The following COL19A1 variants were observed in gnomAD, a reference collection of about 807,000 sequenced individuals.
The protein encoded by COL19A1 is collagen alpha-1(XIX) chain.
Under a neutral mutation model 190.2 loss-of-function variants are expected in COL19A1, and 159 were observed. That is an observed-to-expected ratio of 0.84 (90% confidence interval 0.73 to 0.95). The LOEUF (loss-of-function observed/expected upper bound fraction) is 0.95. COL19A1 is among the 40% of genes least tolerant of loss of function. COL19A1 has a pLI of 0.00. For synonymous variants in COL19A1, 509 were observed against 458.9 expected (o/e 1.11, Z -1.39); for missense variants, 1,418 against 1,431.9 (o/e 0.99, Z 0.16).
chr6:69,921,396 ATATATC>A, intron 4 of COL19A1, among the ~76,000 whole-genome samples: 1 of 71,812 alleles, frequency 1.4e-5, no homozygotes, highest in African/African-American at 8.3e-5. Context: ...CATATATATC[ATATATC>A]ATATATATCA....
intron 11 of COL19A1, among the ~76,000 whole-genome samples, chr6:70,005,261 T>C (rs1169544662): frequency 6.6e-6 from 1 of 152,200 alleles, no homozygotes; most frequent in East Asian, 1.9e-4. Context: ...CATTTTTTCA[T>C]TGATTGTTTC....
Position 70,190,399 on chromosome 6 carries a change from AC to A in COL19A1, c.3094+19del, listed in dbSNP as rs1361445144. On this transcript the variant is annotated intron_variant, in intron 48 of 50. Coordinates refer to ENST00000620364, the MANE Select transcript of COL19A1 (RefSeq NM_001858.6). ...TTTTGAAGGTTAGATTTTCTTAATA[AC>A]ATTTTCGAATTTTTCACTGATTCCC... 25 of 1,550,414 alleles carry A rather than the reference AC, an allele frequency of 1.6e-5. No individual in the cohort carries two copies. The highest frequency in any genetic ancestry group is 2.1e-5 in the Non-Finnish European group (24 of 1,126,522).
chr6:70,052,866 T>C (rs1190757686), intron 14 of COL19A1, among the ~76,000 whole-genome samples: 3 of 152,194 alleles, frequency 2.0e-5, no homozygotes, highest in African/African-American at 7.2e-5. Context: ...AGCTCCACCA[T>C]TTATTTACCA....
chr6:69,931,916 A>G (rs1194319019), intron 6 of COL19A1, among the ~76,000 whole-genome samples: 4 of 151,988 alleles, frequency 2.6e-5, no homozygotes, highest in African/African-American at 9.7e-5. Flanking sequence ...CCTGCTTTCT[A>G]TTATTATAAG....
chr6:70,095,693 C>A (rs1480834659), intron 15 of COL19A1, among the ~76,000 whole-genome samples: 3 of 151,798 alleles, frequency 2.0e-5, no homozygotes. Flanking sequence ...TTTTTTTCCT[C>A]TTCCTTTTCT....
chr6:70,010,261 C>T (rs933213472), intron 11 of COL19A1, among the ~76,000 whole-genome samples: 3 of 152,194 alleles, frequency 2.0e-5, no homozygotes, highest in East Asian at 3.9e-4. Flanking sequence ...GCACTCCACA[C>T]GAAAGATATA....
chr6:70,167,232 A>C (rs2150267329), intron 37 of COL19A1, among the ~76,000 whole-genome samples: 1 of 152,338 alleles, frequency 6.6e-6, no homozygotes, highest in South Asian at 2.1e-4. Flanking sequence ...ATACAGAAAC[A>C]ATGAAACAGT....
chr6:70,066,671 A>G (rs1166744380), intron 14 of COL19A1, among the ~76,000 whole-genome samples: 1 of 151,960 alleles, frequency 6.6e-6, no homozygotes, highest in Admixed American at 6.6e-5. Context: ...ATAATAAGTA[A>G]CTATGGATCA....
intron 1 of COL19A1, among the ~76,000 whole-genome samples, chr6:69,875,900 T>C (rs1768101862): frequency 1.3e-5 from 2 of 151,962 alleles, no homozygotes; most frequent in South Asian, 4.1e-4. Context: ...GCCAAGAGAA[T>C]GGTGACGTCA....
At chr6:70,079,592 G>A (rs976654853) in intron 15 of COL19A1, among the ~76,000 whole-genome samples, 11 of 152,162 alleles carry the variant, frequency 7.2e-5, no homozygotes, top group Non-Finnish European at 1.5e-4. Flanking sequence ...TTTTGAAAGG[G>A]AGGAGACTGC....
intron 24 of COL19A1, 148 bp from the exon 25 acceptor site, chr6:70,144,770 A>G: frequency 1.5e-6 from 1 of 654,800 alleles, no homozygotes; most frequent in Non-Finnish European, 2.8e-6. Flanking sequence ...AATATTATTG[A>G]GTGAGTTGGT....
At chr6:70,000,649 GC>G (rs1417435404) in intron 11 of COL19A1, among the ~76,000 whole-genome samples, 1 of 152,128 alleles carries the variant, frequency 6.6e-6, no homozygotes, top group African/African-American at 2.4e-5. Flanking sequence ...TATGTTTGTT[GC>G]CCACATAAAC....
intron 18 of COL19A1, among the ~76,000 whole-genome samples, chr6:70,136,137 A>G (rs924484759): frequency 3.9e-5 from 6 of 152,234 alleles, no homozygotes; most frequent in East Asian, 1.9e-4. Flanking sequence ...AACGTATTCC[A>G]TAAATCTAGA....
In COL19A1 at chr6:70,068,487, C is replaced by T. The variant is rs2224514; in HGVS notation, c.1224+11C>T. ...AAAGAGGGTCAGAGGGTAAGTAAAG[C>T]TGGAACAACTGGTGGGCATTACTAA... On this transcript the variant is annotated intron_variant, in intron 15 of 50. Transcript: ENST00000620364. 0.57 allele frequency: 874,089 copies of T among 1,544,652 alleles called. 254,679 individuals carry two copies. The highest frequency in any genetic ancestry group is 0.76 in the African/African-American group (54,938 of 72,492).
chr6:70,052,924 T>C (rs1434418685), intron 14 of COL19A1, among the ~76,000 whole-genome samples: 2 of 152,212 alleles, frequency 1.3e-5, no homozygotes, highest in Admixed American at 6.5e-5. Context: ...GGAATGCTTC[T>C]ATTTCTTAGA....
At chr6:69,881,510 C>T (rs1160589171) in intron 2 of COL19A1, among the ~76,000 whole-genome samples, 4 of 152,290 alleles carry the variant, frequency 2.6e-5, no homozygotes, top group South Asian at 4.1e-4. Context: ...TAACACTTCC[C>T]CATCTTGGGA....
intron 49 of COL19A1, among the ~76,000 whole-genome samples, chr6:70,201,342 G>A (rs1767538934): frequency 6.6e-6 from 1 of 152,184 alleles, no homozygotes; most frequent in Non-Finnish European, 1.5e-5. Flanking sequence ...TCAGTCAGAG[G>A]CAATTCTAAA....
chr6:70,117,914 C>T (rs1381449763), intron 16 of COL19A1, among the ~76,000 whole-genome samples: 1 of 152,214 alleles, frequency 6.6e-6, no homozygotes, highest in Non-Finnish European at 1.5e-5. Flanking sequence ...TAGCAGAGCT[C>T]CTAAGAGCAT....
At chr6:70,150,553 C>T (rs763151768) in intron 30 of COL19A1, among the ~76,000 whole-genome samples, 25 of 152,038 alleles carry the variant, frequency 1.6e-4, no homozygotes, top group Non-Finnish European at 3.1e-4. Flanking sequence ...TTAGGTTAAA[C>T]CTTGCTTTGA....
Sources: gnomAD v4.1 joint callset for allele counts (sites outside exome capture counted in the v4.1 genomes callset) on GRCh38, gnomAD v4.1.1 for gene constraint, MANE v1.5 for transcripts, NCBI Gene and HGNC (gene_info 2026-07-23, HGNC 2026-07-21) for gene names.